Variants in METTL5 observed in about 807,000 individuals in gnomAD.
METTL5 encodes the protein rRNA N(6)-adenosine-methyltransferase METTL5.
In METTL5, 28 loss-of-function variants were observed where a neutral mutation model predicts 26.5. The observed-to-expected ratio is 1.06, with a 90% CI of 0.78 to 1.45. The LOEUF is 1.45. METTL5 is among the 40% of genes most tolerant of loss of function. The pLI is 0.00. For synonymous variants in METTL5, 86 were observed against 82.6 expected (o/e 1.04, Z -0.22); for missense variants, 231 against 249.9 (o/e 0.92, Z 0.51).
chr2:169,820,050 C>T lies in METTL5; in HGVS notation c.407-407G>A, dbSNP rs1200756382. On this transcript the variant is annotated intron_variant, in intron 3 of 6. Transcript: ENST00000260953. ...TCAGCTCACCGCAACCTCCGCCTCC[C>T]GGATTCAAGTGATTCTCCTGCCTCA... 2.6e-5 allele frequency among the ~76,000 whole-genome samples: 4 copies of T among 151,836 alleles called. No individual in the cohort carries two copies. The South Asian group carries it at 6.2e-4, about 24-fold the overall frequency.
chr2:169,824,395 GACAT>G, intron 1 of METTL5, 90 bp downstream of exon 1: 1 of 1,027,062 alleles, frequency 9.7e-7, no homozygotes, highest in Non-Finnish European at 1.5e-6. Flanking sequence ...AATTTCTCTA[GACAT>G]TCTCTGTATC....
chr2:169,822,839 T>C (rs189227030), intron 1 of METTL5, among the ~76,000 whole-genome samples: 48 of 152,300 alleles, frequency 3.2e-4, no homozygotes, highest in African/African-American at 1.0e-3. Context: ...ATATTCATAA[T>C]CTACAAATGA....
chr2:169,823,361 C>T (rs189013834), intron 1 of METTL5, among the ~76,000 whole-genome samples: 2 of 152,300 alleles, frequency 1.3e-5, no homozygotes, highest in Admixed American at 1.3e-4. Context: ...GAAAACTGGT[C>T]TTAACCTAGA....
In METTL5 at chr2:169,819,563, C is replaced by T; in HGVS notation, c.487G>A (p.Glu163Lys). Residue 163 changes from glutamate to lysine, a missense_variant and splice_region_variant, in exon 4 of 7, where the codon GAA (glutamate) becomes AAA (lysine). By Grantham distance (56) the Glu-to-Lys change is moderately conservative. Coordinates refer to ENST00000260953, the MANE Select transcript of METTL5 (RefSeq NM_014168.4). Reference protein sequence around the residue: ...VYSLHKSSTREHVQKKAAEWK... With the variant: ...VYSLHKSSTRKHVQKKAAEWK... ...AATATCAGATGATTTGAACTTACTT[C>T]TCTAGTTGAGGATTTGTGTAAGGAA... 3 of 1,605,732 alleles carry T rather than the reference C, an allele frequency of 1.9e-6. No homozygotes were observed. The highest frequency in any genetic ancestry group is 2.2e-5 in the East Asian group (1 of 44,700).
intron 3 of METTL5, among the ~76,000 whole-genome samples, chr2:169,820,251 C>T (rs980222762): frequency 6.6e-6 from 1 of 152,100 alleles, no homozygotes; most frequent in South Asian, 2.1e-4. Flanking sequence ...CCACCACGCC[C>T]GGCCAAACTA....
intron 2 of METTL5, 113 bp downstream of exon 2, chr2:169,821,830 T>G (rs1445130731): frequency 1.2e-6 from 1 of 845,032 alleles, no homozygotes; most frequent in Non-Finnish European, 1.8e-6. Flanking sequence ...GTATCAGATT[T>G]TTGCTCCCTA....
At chr2:169,816,285 A>G (rs1391794221) in intron 4 of METTL5, among the ~76,000 whole-genome samples, 2 of 152,218 alleles carry the variant, frequency 1.3e-5, no homozygotes, top group African/African-American at 2.4e-5. Context: ...TGCCAAGACT[A>G]TACTTTCAGG....
chr2:169,823,856 G>A (rs2081617300), intron 1 of METTL5, among the ~76,000 whole-genome samples: 1 of 151,996 alleles, frequency 6.6e-6, no homozygotes, highest in African/African-American at 2.4e-5. Context: ...TTCCCCTAAG[G>A]TTTCCCAATG....
intron 5 of METTL5, among the ~76,000 whole-genome samples, chr2:169,814,960 C>T (rs553316683): frequency 4.6e-5 from 7 of 151,856 alleles, no homozygotes; most frequent in East Asian, 1.9e-4. Context: ...GGTGCGATCT[C>T]GGCTCACTGC....
Position 169,821,938 on chromosome 2 carries a change from C to A in METTL5, c.224+5G>T. 6.2e-7 allele frequency: 1 copy of A among 1,612,268 alleles called. No individual in the cohort carries two copies. Among genetic ancestry groups the A allele is most frequent in the Non-Finnish European group, 8.5e-7 (1 of 1,179,122 alleles). On this transcript the variant is annotated splice_donor_5th_base_variant and intron_variant, in intron 2 of 6. Coordinates refer to ENST00000260953, the MANE Select transcript of METTL5 (RefSeq NM_014168.4). ...TACCCAAATAGCATATATTGCATTA[C>A]GTACCCTGCTCCTAACATTGCAGTT...
intron 5 of METTL5, among the ~76,000 whole-genome samples, chr2:169,814,085 T>A (rs1450073140): frequency 6.6e-6 from 1 of 152,166 alleles, no homozygotes; most frequent in Non-Finnish European, 1.5e-5. Flanking sequence ...CCTGTTTTGA[T>A]GTTTGTGACT....
At chr2:169,816,583 T>C (rs1043939172) in intron 4 of METTL5, among the ~76,000 whole-genome samples, 4 of 152,324 alleles carry the variant, frequency 2.6e-5, no homozygotes, top group African/African-American at 9.6e-5. Context: ...AGCATGGTAC[T>C]GGTACCAAAA....
intron 2 of METTL5, 118 bp from the exon 3 acceptor site, chr2:169,821,391 A>AGT (rs1284369451): frequency 1.4e-4 from 98 of 717,654 alleles, no homozygotes; most frequent in Non-Finnish European, 2.0e-4. Context: ...TAGCAAAGTA[A>AGT]GAGTGAGTGT....
chr2:169,824,665 G>GA lies in METTL5; in HGVS notation c.-69dup. 1 of 1,276,408 alleles carries GA rather than the reference G, an allele frequency of 7.8e-7. No homozygotes were observed. The highest frequency in any genetic ancestry group is 1.1e-6 in the Non-Finnish European group (1 of 873,724). 79.1% of individuals were successfully genotyped at this position (1,276,408 alleles called of 1,614,324 possible). On this transcript the variant is annotated 5_prime_UTR_variant, in exon 1 of 7. Coordinates refer to ENST00000260953, the MANE Select transcript of METTL5 (RefSeq NM_014168.4). The stretch of plus-strand genomic sequence containing the variant: ...TCTGCGGAGAAATCTATTGAACTGG[G>GA]ATCTTGTTTCCTCCCTACCCCCAAC...
rs1038391241 is a variant in METTL5 at position 169,811,875 on chromosome 2, A to T, written c.592-17T>A. 2 of 1,611,936 alleles carry T rather than the reference A, an allele frequency of 1.2e-6. No homozygotes were observed. Among genetic ancestry groups the T allele is most frequent in the Non-Finnish European group, 1.7e-6 (2 of 1,179,402 alleles). On this transcript the variant is annotated splice_polypyrimidine_tract_variant and intron_variant, in intron 6 of 6. Transcript: ENST00000260953. ...AATGTCCACCTGTGAGAAAGGAAAA[A>T]TTTTTTTGTTGTTTAACTTGTCTTT...
chr2:169,819,580 T>C lies in METTL5; in HGVS notation c.470A>G (p.His157Arg). The change falls in exon 4 of 7, where the codon CAC becomes CGC. Residue 157 changes from histidine (H) to arginine (R), a missense_variant. His to Arg is a conservative substitution (Grantham distance 29). Coordinates refer to ENST00000260953, the MANE Select transcript of METTL5 (RefSeq NM_014168.4). ...EMARTAVYSL[H>R]KSSTREHVQK... ...ACTTACTTCTCTAGTTGAGGATTTG[T>C]GTAAGGAATATACTGCTGTTCTTGC... is the stretch of plus-strand genomic sequence containing the variant. The C allele has an allele frequency of 6.2e-7, 1 of 1,612,204 alleles. No homozygotes were observed. Among genetic ancestry groups the C allele is most frequent in the Non-Finnish European group, 8.5e-7 (1 of 1,178,640 alleles).
At chr2:169,821,345 G>T (rs1487202512) in intron 2 of METTL5, 72 bp from the exon 3 acceptor site, 46 of 836,658 alleles carry the variant, frequency 5.5e-5, no homozygotes, top group South Asian at 2.2e-4. Flanking sequence ...AAAATTAGCT[G>T]TTTTTTTTTT....
rs147266845 is a variant in METTL5, at chr2:169,822,026, A to G, written c.141T>C (p.Tyr47=). 2,216 of 1,612,738 alleles carry G rather than the reference A, an allele frequency of 1.4e-3. 26 individuals carry two copies. In the African/African-American group the frequency reaches 0.026, roughly 19 times the overall value. Residue 47 remains tyrosine, a synonymous_variant, in exon 2 of 7, where the codon TAT becomes TAC. Transcript: ENST00000260953. ...ACMLYTIHNT[Y]DDIENKVVAD... is the part of the protein sequence containing the mutation. Reference sequence around the variant, plus strand: ...CAACGACTTTATTTTCAATGTCATCATAAGTGTTATGGATTGTATAGAGCA... The same window carrying G: ...CAACGACTTTATTTTCAATGTCATCGTAAGTGTTATGGATTGTATAGAGCA...
intron 5 of METTL5, 71 bp from the exon 6 acceptor site, chr2:169,812,577 C>A: frequency 1.3e-6 from 2 of 1,510,900 alleles, no homozygotes; most frequent in South Asian, 1.2e-5. Flanking sequence ...TAAACAACAA[C>A]AACAACAAAA....
Sources: allele counts gnomAD v4.1 joint callset (sites outside exome capture counted in the v4.1 genomes callset), GRCh38; gene constraint gnomAD v4.1.1; transcripts MANE v1.5; gene names NCBI Gene and HGNC (gene_info 2026-07-23, HGNC 2026-07-21).